Variants in RBFOX1 observed in about 807,000 individuals in gnomAD.
RBFOX1 encodes the protein RNA binding protein fox-1 homolog 1.
In RBFOX1, 8 loss-of-function variants were observed where a neutral mutation model predicts 57.7. That is an observed-to-expected ratio of 0.14 (90% CI 0.08 to 0.25). The LOEUF is 0.25. Ranked by LOEUF, RBFOX1 falls within the 10% of genes least tolerant of loss-of-function variation. RBFOX1 has a pLI of 1.00. For missense variants in RBFOX1, 611 were observed against 548.5 expected (o/e 1.11, Z -1.14); for synonymous variants, 326 against 222.4 (o/e 1.47, Z -4.15).
chr16:7,645,793 C>A (rs1327334062), intron 11 of RBFOX1, among the ~76,000 whole-genome samples: 1 of 152,112 alleles, frequency 6.6e-6, no homozygotes, highest in Non-Finnish European at 1.5e-5. Flanking sequence ...TATCAACATG[C>A]ATTTCATACT....
chr16:5,484,850 C>T (rs958371997), intron 2 of RBFOX1, among the ~76,000 whole-genome samples: 4 of 150,650 alleles, frequency 2.7e-5, no homozygotes, highest in African/African-American at 9.8e-5. Context: ...AGCCAGAGAT[C>T]GTGTCACTGC....
intron 1 of RBFOX1, among the ~76,000 whole-genome samples, chr16:6,268,476 C>G (rs184121958): frequency 6.6e-6 from 1 of 152,110 alleles, no homozygotes; most frequent in Non-Finnish European, 1.5e-5. Flanking sequence ...TGCAGAGGTA[C>G]GCAATCCAGC....
intron 4 of RBFOX1, among the ~76,000 whole-genome samples, chr16:7,142,801 A>G (rs887954802): frequency 6.6e-6 from 1 of 152,200 alleles, no homozygotes; most frequent in Non-Finnish European, 1.5e-5. Flanking sequence ...AGTGTTGCTT[A>G]AACCAGTATT....
At position 6,881,614 on chromosome 16, in the gene RBFOX1, C is replaced by A. The variant is rs989554542; in HGVS notation, c.-15-170443C>A. Among the ~76,000 whole-genome samples the A allele has an allele frequency of 3.3e-5, 5 of 152,202 alleles. No individual in the cohort carries two copies. The South Asian group carries it at 8.3e-4, about 25-fold the overall frequency. On this transcript the variant is annotated intron_variant, in intron 3 of 15. Coordinates refer to ENST00000550418, the MANE Select transcript of RBFOX1 (RefSeq NM_018723.4). ...CTTACAGCCCACTCTGAGGACCTGACTTTAACTTGATTCCCTCTGCAAATA... is the reference window on the plus strand; with the variant it reads ...CTTACAGCCCACTCTGAGGACCTGAATTTAACTTGATTCCCTCTGCAAATA...
At chr16:6,162,225 C>A (rs1041286739) in intron 1 of RBFOX1, among the ~76,000 whole-genome samples, 1 of 152,124 alleles carries the variant, frequency 6.6e-6, no homozygotes, top group Non-Finnish European at 1.5e-5. Context: ...TCAAGCAATT[C>A]ACCTGTGTCA....
Position 7,711,853 on chromosome 16 carries a change from G to A in RBFOX1, c.*1108G>A, listed in dbSNP as rs914567200. ...CAATCATTGAGTAGAGATAATCATG[G>A]TATTTTCATCAGCTTGGTACTTTTT... On this transcript the variant is annotated 3_prime_UTR_variant, in exon 16 of 16. Coordinates refer to ENST00000550418, the MANE Select transcript of RBFOX1 (RefSeq NM_018723.4). The A allele has an allele frequency of 1.3e-5, 2 of 152,524 alleles. No individual in the cohort carries two copies. Among genetic ancestry groups the A allele is most frequent in the Non-Finnish European group, 2.9e-5 (2 of 68,026 alleles). The allele number at this position is 152,524 out of a possible 1,614,324, so 9.4% of individuals were successfully genotyped here.
chr16:6,620,827 G>A (rs1438535781), intron 2 of RBFOX1, among the ~76,000 whole-genome samples: 1 of 152,188 alleles, frequency 6.6e-6, no homozygotes, highest in Non-Finnish European at 1.5e-5. Context: ...TTACTTTCAA[G>A]CACGTTCTCA....
At chr16:7,486,942 C>T (rs1420622166) in intron 4 of RBFOX1, among the ~76,000 whole-genome samples, 3 of 152,178 alleles carry the variant, frequency 2.0e-5, no homozygotes, top group Admixed American at 1.3e-4. Flanking sequence ...CTCTGTCACC[C>T]AGTCTGGAGT....
At chr16:5,529,710 G>A (rs1389118702) in intron 2 of RBFOX1, among the ~76,000 whole-genome samples, 1 of 152,010 alleles carries the variant, frequency 6.6e-6, no homozygotes, top group Non-Finnish European at 1.5e-5. Context: ...GGGATTACAG[G>A]CTAGTGCCAC....
intron 14 of RBFOX1, chr16:7,693,433 T>TC (rs1555787172): frequency 1.6e-6 from 2 of 1,278,480 alleles, no homozygotes; most frequent in African/African-American, 1.5e-5. Context: ...TTTTTTTTTT[T>TC]TCTTCTTCAC....
intron 4 of RBFOX1, among the ~76,000 whole-genome samples, chr16:7,280,484 C>A (rs2095519876): frequency 6.6e-6 from 1 of 152,146 alleles, no homozygotes; most frequent in African/African-American, 2.4e-5. Context: ...AGAGGGAGGC[C>A]CATGTGCCTC....
intron 1 of RBFOX1, among the ~76,000 whole-genome samples, chr16:5,371,474 A>C (rs1331961426): frequency 2.0e-5 from 3 of 152,228 alleles, no homozygotes; most frequent in Non-Finnish European, 2.9e-5. Context: ...TTGGACTTCC[A>C]GCCTCCAGGA....
At chr16:7,211,055 A>G (rs985190060) in intron 4 of RBFOX1, among the ~76,000 whole-genome samples, 3 of 148,300 alleles carry the variant, frequency 2.0e-5, no homozygotes, top group Non-Finnish European at 3.0e-5. Flanking sequence ...ATGTCAAAGT[A>G]TTATGTTGTA....
intron 2 of RBFOX1, among the ~76,000 whole-genome samples, chr16:6,609,841 T>G (rs1057055668): frequency 6.6e-5 from 10 of 151,838 alleles, no homozygotes; most frequent in African/African-American, 2.4e-4. Context: ...AACCCCATCT[T>G]TAGTAAATAT....
intron 3 of RBFOX1, among the ~76,000 whole-genome samples, chr16:7,013,325 A>G (rs746067045): frequency 5.3e-5 from 8 of 152,166 alleles, no homozygotes; most frequent in Non-Finnish European, 7.3e-5. Context: ...TGTTCTGCTC[A>G]TGTTATACGT....
intron 3 of RBFOX1, among the ~76,000 whole-genome samples, chr16:6,813,634 G>A (rs1463484193): frequency 6.6e-6 from 1 of 152,150 alleles, no homozygotes; most frequent in Non-Finnish European, 1.5e-5. Flanking sequence ...GAAGAACTGA[G>A]TAGGGGGTGG....
At chr16:5,663,100 C>T (rs114373675) in intron 3 of RBFOX1, among the ~76,000 whole-genome samples, 2,302 of 152,212 alleles carry the variant, frequency 0.015, 51 homozygotes, top group African/African-American at 0.052. Context: ...AGGTATAGGC[C>T]AGGGATACTG....
At chr16:6,252,961 A>G (rs1308086821) in intron 1 of RBFOX1, among the ~76,000 whole-genome samples, 1 of 152,188 alleles carries the variant, frequency 6.6e-6, no homozygotes, top group Non-Finnish European at 1.5e-5. Flanking sequence ...TAGACTACTT[A>G]GTGATATAAT....
intron 3 of RBFOX1, among the ~76,000 whole-genome samples, chr16:6,798,550 A>T (rs1478446398): frequency 6.6e-6 from 1 of 152,150 alleles, no homozygotes; most frequent in Non-Finnish European, 1.5e-5. Flanking sequence ...CCCAATTCTA[A>T]CTGCAGCCAT....
Sources: allele counts gnomAD v4.1 joint callset (sites outside exome capture counted in the v4.1 genomes callset), GRCh38; gene constraint gnomAD v4.1.1; transcripts MANE v1.5; gene names NCBI Gene and HGNC (gene_info 2026-07-23, HGNC 2026-07-21).